Variants in MTMR12 observed in about 807,000 individuals in gnomAD.
The protein encoded by MTMR12 is myotubularin-related protein 12.
MTMR12 carries 33 observed loss-of-function variants against 96.7 expected under a neutral mutation model. That is an observed-to-expected ratio of 0.34 (90% CI 0.26 to 0.46). MTMR12 has a LOEUF of 0.46. MTMR12 is among the 20% of genes least tolerant of loss of function. MTMR12 has a pLI of 1.00. For synonymous variants in MTMR12, 298 were observed against 327.2 expected (o/e 0.91, Z 0.96); for missense variants, 721 against 896.1 (o/e 0.80, Z 2.49).
At chr5:32,281,627 C>T (rs991667375) in intron 1 of MTMR12, among the ~76,000 whole-genome samples, 4 of 151,998 alleles carry the variant, frequency 2.6e-5, no homozygotes, top group Non-Finnish European at 5.9e-5. Flanking sequence ...CTGGGCCGGG[C>T]GTGGTGGCTC....
At chr5:32,252,705 T>C (rs1238031489) in intron 8 of MTMR12, among the ~76,000 whole-genome samples, 1 of 152,202 alleles carries the variant, frequency 6.6e-6, no homozygotes, top group African/African-American at 2.4e-5. Context: ...AAAACAATAA[T>C]TACCAATTAC....
chr5:32,287,777 G>A (rs1054329512), intron 1 of MTMR12, among the ~76,000 whole-genome samples: 1 of 152,174 alleles, frequency 6.6e-6, no homozygotes, highest in South Asian at 2.1e-4. Flanking sequence ...AGAAAGTTAT[G>A]CAAAACAAAC....
chr5:32,312,304 G>A lies in MTMR12; in HGVS notation c.81+454C>T, dbSNP rs186196909. 3.3e-5 allele frequency among the ~76,000 whole-genome samples: 5 copies of A among 152,312 alleles called. No homozygotes were observed. Among genetic ancestry groups the A allele is most frequent in the Non-Finnish European group, 7.4e-5 (5 of 68,016 alleles). ...GCAGGGCATCCCGCCAGCCGCACCCGAGGCACTCAGACGCAGGCAGCGGAG... is the reference window on the plus strand; with the variant it reads ...GCAGGGCATCCCGCCAGCCGCACCCAAGGCACTCAGACGCAGGCAGCGGAG... On this transcript the variant is annotated intron_variant, in intron 1 of 15. Transcript: ENST00000382142. This position sits in a 1 kb window ranked among gnomAD's most constrained non-coding sequence, Gnocchi z 5.0.
intron 8 of MTMR12, among the ~76,000 whole-genome samples, chr5:32,253,072 C>A (rs1749003421): frequency 6.6e-6 from 1 of 152,190 alleles, no homozygotes; most frequent in African/African-American, 2.4e-5. Context: ...TGCCCCCACC[C>A]CACCCACGAG....
rs1168661907 is a variant in MTMR12 at position 32,229,861 on chromosome 5, G to C, written c.2161C>G (p.Pro721Ala). The C allele has an allele frequency of 6.2e-7, 1 of 1,607,644 alleles. No homozygotes were observed. The highest frequency in any genetic ancestry group is 2.2e-5 in the East Asian group (1 of 44,780). The change falls in exon 16 of 16, where the codon CCC becomes GCC. Residue 721 changes from proline to alanine, a missense_variant. Pro to Ala is a conservative substitution (Grantham distance 27). Transcript: ENST00000382142. ...LQRHSSKPVLPTSGWKALGDE... is the reference protein window; with the variant it reads ...LQRHSSKPVLATSGWKALGDE... ...CCCAAAGCTTTCCAGCCACTGGTGG[G>C]TAAGACGGGCTTAGAGGAATGTCGC...
chr5:32,286,231 CAGG>C (rs1347978102), intron 1 of MTMR12, among the ~76,000 whole-genome samples: 1 of 152,086 alleles, frequency 6.6e-6, no homozygotes, highest in Admixed American at 6.6e-5. Context: ...CCCAGCTACT[CAGG>C]AGGCTGAGGT....
chr5:32,285,962 T>A (rs532844327), intron 1 of MTMR12, among the ~76,000 whole-genome samples: 18 of 152,180 alleles, frequency 1.2e-4, no homozygotes, highest in South Asian at 4.1e-4. Flanking sequence ...TACTCAGAGT[T>A]GCAAAATGAC....
intron 6 of MTMR12, among the ~76,000 whole-genome samples, chr5:32,265,762 CTTAA>C (rs577834427): frequency 3.9e-5 from 6 of 152,218 alleles, no homozygotes; most frequent in Non-Finnish European, 4.4e-5. Flanking sequence ...CAGTTTTACT[CTTAA>C]TTAATTCCCA....
chr5:32,312,881 C>A lies in MTMR12; in HGVS notation c.-43G>T, dbSNP rs1230891060. The stretch of plus-strand genomic sequence containing the variant: ...CAGCGACGCGCGGACGCAGAGGCGG[C>A]GGCTCGGGCTCCAGCTGGGGCAGCA... On this transcript the variant is annotated 5_prime_UTR_variant, in exon 1 of 16. Transcript: ENST00000382142. The surrounding 1 kb of genome is among the most constrained non-coding windows in gnomAD (Gnocchi z 5.0). 3.3e-6 allele frequency: 5 copies of A among 1,495,610 alleles called. No individual in the cohort carries two copies. The highest frequency in any genetic ancestry group is 4.4e-6 in the Non-Finnish European group (5 of 1,126,516). The allele number at this position is 1,495,610 out of a possible 1,614,324, so 92.6% of individuals were successfully genotyped here.
At chr5:32,304,356 T>A (rs924923444) in intron 1 of MTMR12, among the ~76,000 whole-genome samples, 3 of 151,868 alleles carry the variant, frequency 2.0e-5, no homozygotes, top group African/African-American at 4.8e-5. Flanking sequence ...TGCAACCATA[T>A]GAGATACACA....
chr5:32,288,018 CTGAG>C (rs1201454305), intron 1 of MTMR12, among the ~76,000 whole-genome samples: 1 of 152,078 alleles, frequency 6.6e-6, no homozygotes, highest in Non-Finnish European at 1.5e-5. Flanking sequence ...TAAGACTGTC[CTGAG>C]TGAGAGTCTT....
intron 1 of MTMR12, among the ~76,000 whole-genome samples, chr5:32,311,683 G>A (rs1050986472): frequency 2.6e-5 from 4 of 152,246 alleles, no homozygotes; most frequent in Non-Finnish European, 5.9e-5. Context: ...AGGCCTACAA[G>A]TTCTGATCTC....
intron 1 of MTMR12, among the ~76,000 whole-genome samples, chr5:32,282,727 A>C (rs550617464): frequency 2.2e-4 from 34 of 152,274 alleles, no homozygotes; most frequent in Non-Finnish European, 4.7e-4. Context: ...AATAAGTTTA[A>C]TTGGAGTTTT....
At chr5:32,303,228 TATC>T (rs1417496916) in intron 1 of MTMR12, among the ~76,000 whole-genome samples, 4 of 152,242 alleles carry the variant, frequency 2.6e-5, no homozygotes, top group African/African-American at 9.6e-5. Context: ...AACATGGACA[TATC>T]ATTATTCCCA....
At chr5:32,296,795 T>C (rs1750943942) in intron 1 of MTMR12, among the ~76,000 whole-genome samples, 1 of 134,626 alleles carries the variant, frequency 7.4e-6, no homozygotes, top group Non-Finnish European at 1.6e-5. Context: ...AGGAAAACAT[T>C]CTCTTTAAAA....
intron 1 of MTMR12, among the ~76,000 whole-genome samples, chr5:32,285,968 A>G (rs2112118743): frequency 6.6e-6 from 1 of 152,298 alleles, no homozygotes; most frequent in East Asian, 1.9e-4. Flanking sequence ...GAGTTGCAAA[A>G]TGACCCATCT....
At position 32,233,647 on chromosome 5, in the gene MTMR12, G is replaced by A; in HGVS notation, c.1674+126C>T. The A allele has an allele frequency of 7.5e-7, 1 of 1,324,536 alleles. No homozygotes were observed. Among genetic ancestry groups the A allele is most frequent in the Non-Finnish European group, 1.1e-6 (1 of 948,144 alleles). The allele number at this position is 1,324,536 out of a possible 1,614,324, so 82.0% of individuals were successfully genotyped here. ...GCCCTTGACAATTTGACCATCACAA[G>A]TCTCAACTCTGCAGACTGCTTCGAG... is the stretch of plus-strand genomic sequence containing the variant. On this transcript the variant is annotated intron_variant, in intron 15 of 15. Transcript: ENST00000382142. The surrounding 1 kb of genome is among the most constrained non-coding windows in gnomAD (Gnocchi z 5.0).
At chr5:32,274,208 A>G in intron 2 of MTMR12, 86 bp from the exon 3 acceptor site, 4 of 1,463,750 alleles carry the variant, frequency 2.7e-6, no homozygotes, top group Admixed American at 2.0e-5. Context: ...CCCTATTTAC[A>G]TAAGGACAAA....
rs150370584 is a variant in MTMR12 at position 32,261,178 on chromosome 5, A to T, written c.713+1935T>A. 3.0e-3 allele frequency among the ~76,000 whole-genome samples: 450 copies of T among 152,020 alleles called. 4 individuals are homozygous for T. The highest frequency in any genetic ancestry group is 0.011 in the African/African-American group (437 of 41,474). Reference sequence around the variant, plus strand: ...AACCCAGGAGGCAGAGGTTGCGGTGAGCCGAGATAGCACCACTGCACTTCA... The same window carrying T: ...AACCCAGGAGGCAGAGGTTGCGGTGTGCCGAGATAGCACCACTGCACTTCA... On this transcript the variant is annotated intron_variant, in intron 7 of 15. Coordinates refer to ENST00000382142, the MANE Select transcript of MTMR12 (RefSeq NM_001040446.3).
Sources: allele counts gnomAD v4.1 joint callset (sites outside exome capture counted in the v4.1 genomes callset), GRCh38; gene constraint gnomAD v4.1.1; non-coding constraint Gnocchi (gnomAD v3.1); transcripts MANE v1.5; gene names NCBI Gene and HGNC (gene_info 2026-07-23, HGNC 2026-07-21).